Variants in MEGF6 observed in about 807,000 individuals in gnomAD.
MEGF6 encodes the protein multiple EGF like domains 6, also known as multiple epidermal growth factor-like domains protein 6.
MEGF6 carries 184 observed loss-of-function variants against 207.1 expected under a neutral mutation model. The ratio of observed to expected loss-of-function variants is 0.89; its 90% CI spans 0.79 to 1.00. The LOEUF is 1.00. Among genes scored for constraint, MEGF6 ranks in the 50% least tolerant of loss-of-function variants. MEGF6 has a pLI of 0.00. For missense variants in MEGF6, 2,282 were observed against 2,202.9 expected, an observed-to-expected ratio of 1.04 and a Z score of -0.72; for synonymous variants, 1,038 against 910.0, an observed-to-expected ratio of 1.14 and a Z score of -2.53.
At chr1:3,616,524 C>T in the MEGF6 span, among the ~76,000 whole-genome samples, 1 of 152,134 alleles carries the variant, frequency 6.6e-6, no homozygotes, top group Non-Finnish European at 1.5e-5. Flanking sequence ...TCCAGCAACA[C>T]CCAGCACGTG....
At position 3,505,424 on chromosome 1, in the gene MEGF6, G is replaced by A. The variant is rs766380638; in HGVS notation, c.2051C>T (p.Ala684Val). 5.0e-6 allele frequency: 8 copies of A among 1,589,450 alleles called. No homozygotes were observed. The African/African-American group carries it at 1.1e-4, about 23-fold the overall frequency. Residue 684 changes from alanine (A) to valine (V), a missense_variant and splice_region_variant, in exon 16 of 37, where the codon GCA becomes GTA. By Grantham distance (64) the Ala-to-Val change is moderately conservative. Coordinates refer to ENST00000356575, the MANE Select transcript of MEGF6 (RefSeq NM_001409.4). ...CCAGACCCCATGCCTGGACTCACCT[G>A]CCTGACAGCGCTCGCCCCGGAAGCC... ...KAGFRGERCQ[A>V]ECELGYFGPG...
At chr1:3,582,849 C>T (rs1171862571) in intron 3 of MEGF6, among the ~76,000 whole-genome samples, 4 of 152,212 alleles carry the variant, frequency 2.6e-5, no homozygotes, top group Admixed American at 6.5e-5. Context: ...CTCTTGCCCC[C>T]TCTAGTGCCT....
chr1:3,615,553 G>A (rs1644370557), upstream of MEGF6, among the ~76,000 whole-genome samples: 1 of 152,238 alleles, frequency 6.6e-6, no homozygotes, highest in Non-Finnish European at 1.5e-5. Context: ...ACTCCACTTA[G>A]GAAGTACAGA....
intron 5 of MEGF6, 87 bp from the exon 6 acceptor site, chr1:3,515,614 A>G: frequency 6.6e-7 from 1 of 1,508,484 alleles, no homozygotes; most frequent in African/African-American, 1.4e-5. Flanking sequence ...AGGGAGTGGC[A>G]TGGCCACTTC....
In MEGF6 at chr1:3,490,594, G is replaced by A. The variant is rs1360038884; in HGVS notation, c.4565-5C>T. The A allele has an allele frequency of 6.2e-7, 1 of 1,612,968 alleles. No homozygotes were observed. The highest frequency in any genetic ancestry group is 1.1e-5 in the South Asian group (1 of 91,046). On this transcript the variant is annotated splice_region_variant and splice_polypyrimidine_tract_variant and intron_variant, in intron 36 of 36. Coordinates refer to ENST00000356575, the MANE Select transcript of MEGF6 (RefSeq NM_001409.4). The stretch of plus-strand genomic sequence containing the variant: ...TGGAGGCGGGCAGTGTGCCCGCTGG[G>A]GAAAAGGAGAAAAGAGGGCCAGTCC...
chr1:3,530,732 T>G (rs1642126527), intron 4 of MEGF6, among the ~76,000 whole-genome samples: 1 of 152,190 alleles, frequency 6.6e-6, no homozygotes, highest in Non-Finnish European at 1.5e-5. Flanking sequence ...AGGGCCTTTG[T>G]CTCCAGCCTG....
chr1:3,538,921 G>C (rs1642418140), intron 4 of MEGF6, among the ~76,000 whole-genome samples: 1 of 152,174 alleles, frequency 6.6e-6, no homozygotes, highest in South Asian at 2.1e-4. Context: ...AGCTGCCAGG[G>C]GAGCGGAGAA....
In MEGF6 at chr1:3,498,363, C is replaced by A; in HGVS notation, c.3352+8G>T. The A allele has an allele frequency of 6.3e-7, 1 of 1,599,268 alleles. No homozygotes were observed. The highest frequency in any genetic ancestry group is 8.5e-7 in the Non-Finnish European group (1 of 1,176,452). ...CTGCAGACCCCCCTGCTGCCCCGCC[C>A]CACTCACGGCTCTGACACTTGTCCC... On this transcript the variant is annotated splice_region_variant and intron_variant, in intron 26 of 36. Coordinates refer to ENST00000356575, the MANE Select transcript of MEGF6 (RefSeq NM_001409.4).
rs573766046 is a variant in MEGF6 at position 3,517,629 on chromosome 1, C to T, written c.605-2102G>A. On this transcript the variant is annotated intron_variant, in intron 5 of 36. Transcript: ENST00000356575. The stretch of plus-strand genomic sequence containing the variant: ...CTGCTAGGGATGTGTCCAGACCCCT[C>T]GGGACACTGAGACCCAGCTGCAAAA... Among the ~76,000 whole-genome samples the T allele has an allele frequency of 1.1e-4, 16 of 152,330 alleles. No homozygotes were observed. The East Asian group carries it at 2.9e-3, about 28-fold the overall frequency.
At chr1:3,596,769 T>C (rs1007271892) in intron 2 of MEGF6, among the ~76,000 whole-genome samples, 3 of 148,074 alleles carry the variant, frequency 2.0e-5, no homozygotes, top group Non-Finnish European at 4.5e-5. Flanking sequence ...CCCCCACGCA[T>C]GGGAAGTCTT....
At chr1:3,541,485 C>T (rs932961736) in intron 4 of MEGF6, among the ~76,000 whole-genome samples, 7 of 152,246 alleles carry the variant, frequency 4.6e-5, no homozygotes, top group Non-Finnish European at 5.9e-5. Context: ...CACCAAGGGG[C>T]TCATGGAGTG....
At chr1:3,500,817 A>T in intron 20 of MEGF6, 53 bp from the exon 21 acceptor site, 1 of 1,594,736 alleles carries the variant, frequency 6.3e-7, no homozygotes, top group East Asian at 2.2e-5. Context: ...GGCCACGGGC[A>T]CCACAGCCGA....
intron 2 of MEGF6, among the ~76,000 whole-genome samples, chr1:3,597,190 G>A (rs1039503531): frequency 3.9e-5 from 6 of 152,208 alleles, no homozygotes; most frequent in African/African-American, 1.2e-4. Context: ...TTGGCCACAC[G>A]GATGCCTACT....
At chr1:3,553,299 G>T (rs184602905) in intron 4 of MEGF6, among the ~76,000 whole-genome samples, 1 of 152,026 alleles carries the variant, frequency 6.6e-6, no homozygotes. Context: ...CGGGTACCCT[G>T]TGAGCCTGGC....
chr1:3,516,247 G>A (rs901283709), intron 5 of MEGF6, among the ~76,000 whole-genome samples: 38 of 152,358 alleles, frequency 2.5e-4, no homozygotes, highest in African/African-American at 4.1e-4. Context: ...GCAGGGAGGC[G>A]GGGACAGGGC....
chr1:3,499,455 GAGCAA>G (rs1302823989), intron 23 of MEGF6, 128 bp downstream of exon 23: 344 of 1,437,198 alleles, frequency 2.4e-4, no homozygotes, highest in Middle Eastern at 2.3e-3. Flanking sequence ...TGGCCCGAGT[GAGCAA>G]AGCATCACTC....
chr1:3,516,956 C>T (rs1420435817), intron 5 of MEGF6, among the ~76,000 whole-genome samples: 2 of 152,188 alleles, frequency 1.3e-5, no homozygotes, highest in Non-Finnish European at 2.9e-5. Flanking sequence ...GAGCCCCTCG[C>T]CCCATCCACC....
At chr1:3,602,735 G>A in intron 1 of MEGF6, 135 bp from the exon 2 acceptor site, 1 of 1,319,664 alleles carries the variant, frequency 7.6e-7, no homozygotes, top group Non-Finnish European at 1.0e-6. Context: ...CCACGGCACA[G>A]TGCCCATGCC....
In MEGF6 at chr1:3,594,898, C is replaced by T. The variant is rs182761096; in HGVS notation, c.376+440G>A. 8.5e-4 allele frequency among the ~76,000 whole-genome samples: 130 copies of T among 152,294 alleles called. No homozygotes were observed. The highest frequency in any genetic ancestry group is 2.7e-3 in the African/African-American group (114 of 41,562). ...CCTTACACCCACTGAAGCTGAGGCCCGCCACCCGGCCCGGATTGGCCTTGG... is the reference window on the plus strand; with the variant it reads ...CCTTACACCCACTGAAGCTGAGGCCTGCCACCCGGCCCGGATTGGCCTTGG... On this transcript the variant is annotated intron_variant, in intron 3 of 36. Coordinates refer to ENST00000356575, the MANE Select transcript of MEGF6 (RefSeq NM_001409.4). The surrounding 1 kb of genome is among the most constrained non-coding windows in gnomAD (Gnocchi z 4.2).
Sources: allele counts gnomAD v4.1 joint callset (sites outside exome capture counted in the v4.1 genomes callset), GRCh38; gene constraint gnomAD v4.1.1; non-coding constraint Gnocchi (gnomAD v3.1); transcripts MANE v1.5; gene names NCBI Gene and HGNC (gene_info 2026-07-23, HGNC 2026-07-21).